NAALADL2: variants seen among roughly 807,000 people sequenced by gnomAD.
NAALADL2 encodes inactive N-acetylated-alpha-linked acidic dipeptidase-like protein 2.
In NAALADL2, 76 loss-of-function variants were observed where a neutral mutation model predicts 87.2. The ratio of observed to expected loss-of-function variants is 0.87; its 90% confidence interval spans 0.72 to 1.05. NAALADL2 has a LOEUF of 1.05. NAALADL2 is among the 50% of genes least tolerant of loss of function. The pLI, the probability that NAALADL2 is intolerant of heterozygous loss-of-function variation, is 0.00. For missense variants in NAALADL2, 1,089 were observed against 945.8 expected (o/e 1.15, Z -1.99); for synonymous variants, 354 against 331.0 (o/e 1.07, Z -0.75).
chr3:174,574,560 A>G (rs1021938768), intron 2 of NAALADL2, among the ~76,000 whole-genome samples: 8 of 152,148 alleles, frequency 5.3e-5, no homozygotes, highest in Non-Finnish European at 8.8e-5. Flanking sequence ...TCTGAATAAC[A>G]ATTTTTAAGT....
intron 2 of NAALADL2, among the ~76,000 whole-genome samples, chr3:175,148,102 T>G (rs971496293): frequency 6.8e-6 from 1 of 146,506 alleles, no homozygotes; most frequent in Non-Finnish European, 1.5e-5. Context: ...ATAATAATAA[T>G]AATAATAATA....
In NAALADL2 at chr3:175,650,057, CAA is replaced by C. The variant is rs11458935; in HGVS notation, c.1896+22687_1896+22688del. Among the ~76,000 whole-genome samples, 873 of 120,372 alleles carry C rather than the reference CAA, an allele frequency of 7.3e-3. 10 individuals carry two copies. The highest frequency in any genetic ancestry group is 0.026 in the African/African-American group (823 of 32,034). The allele number at this position is 120,372 out of a possible 152,430, so 79.0% of individuals were successfully genotyped here. On this transcript the variant is annotated intron_variant, in intron 11 of 13. Transcript: ENST00000454872. ...AGCATTATTCAGAATAACCCCACACCAAAAAAAAAAAAAAAAACCCTCAGATT... is the reference window on the plus strand; with the variant it reads ...AGCATTATTCAGAATAACCCCACACCAAAAAAAAAAAAAAACCCTCAGATT...
rs145052490 is a variant in NAALADL2, at chr3:175,479,752, T to A, written c.1653+7994T>A. The stretch of plus-strand genomic sequence containing the variant: ...TAAGTGTCTTATAACCTGACATGAA[T>A]CTCTCCATAGTTACTACTACTAACT... On this transcript the variant is annotated intron_variant, in intron 9 of 13. Coordinates refer to ENST00000454872, the MANE Select transcript of NAALADL2 (RefSeq NM_207015.3). Among the ~76,000 whole-genome samples, 398 of 151,842 alleles carry A rather than the reference T, an allele frequency of 2.6e-3. 3 individuals are homozygous for A. The highest frequency in any genetic ancestry group is 8.7e-3 in the African/African-American group (362 of 41,520).
intron 9 of NAALADL2, among the ~76,000 whole-genome samples, chr3:175,543,765 G>T (rs1712801829): frequency 6.6e-6 from 1 of 152,158 alleles, no homozygotes; most frequent in African/African-American, 2.4e-5. Flanking sequence ...TGAGATTTGG[G>T]TGGGGAAACA....
chr3:175,169,525 T>G (rs1265618297), intron 2 of NAALADL2, among the ~76,000 whole-genome samples: 1 of 151,596 alleles, frequency 6.6e-6, no homozygotes, highest in Non-Finnish European at 1.5e-5. Flanking sequence ...AGTATTAAAC[T>G]AATTATTTTG....
At chr3:174,698,032 A>T (rs1033396652) in intron 2 of NAALADL2, among the ~76,000 whole-genome samples, 12 of 152,180 alleles carry the variant, frequency 7.9e-5, no homozygotes, top group Non-Finnish European at 1.2e-4. Context: ...CAGAGGTTGC[A>T]GTGAGCCAAG....
At chr3:175,786,809 T>G (rs1011441131) in intron 13 of NAALADL2, among the ~76,000 whole-genome samples, 10 of 152,214 alleles carry the variant, frequency 6.6e-5, no homozygotes, top group African/African-American at 2.2e-4. Flanking sequence ...AGTTTCCAGT[T>G]TTTCTGTTCT....
At chr3:175,687,078 C>T (rs907755953) in intron 11 of NAALADL2, among the ~76,000 whole-genome samples, 7 of 152,090 alleles carry the variant, frequency 4.6e-5, no homozygotes, top group Non-Finnish European at 8.8e-5. Context: ...ATGATTTGCT[C>T]TAAGCCAGAG....
chr3:175,498,671 T>C (rs537575865), intron 9 of NAALADL2, among the ~76,000 whole-genome samples: 2 of 152,204 alleles, frequency 1.3e-5, no homozygotes, highest in East Asian at 3.9e-4. Context: ...AGTTGGACTT[T>C]ATATTTAAAA....
At chr3:174,864,059 G>T in intron 1 of NAALADL2, 1 of 455,664 alleles carries the variant, frequency 2.2e-6, no homozygotes, top group Non-Finnish European at 4.4e-6. Flanking sequence ...AGCAAAGAAA[G>T]TTGCTGAAAA....
chr3:174,775,697 A>G (rs1186201488), intron 3 of NAALADL2, among the ~76,000 whole-genome samples: 1 of 152,132 alleles, frequency 6.6e-6, no homozygotes, highest in Admixed American at 6.6e-5. Flanking sequence ...AAGGTTGTCC[A>G]CTGGAGGAAT....
At chr3:175,488,485 C>A (rs1188395684) in intron 9 of NAALADL2, among the ~76,000 whole-genome samples, 2 of 152,212 alleles carry the variant, frequency 1.3e-5, no homozygotes, top group Non-Finnish European at 2.9e-5. Flanking sequence ...GCACATTCAT[C>A]TATGTGTAAA....
chr3:175,105,939 G>A (rs9290531), intron 2 of NAALADL2, among the ~76,000 whole-genome samples: 87,610 of 151,878 alleles, frequency 0.58, 25,693 homozygotes, highest in African/African-American at 0.69. Context: ...TTCAGGAGGT[G>A]CAAAGTGGAT....
intron 3 of NAALADL2, among the ~76,000 whole-genome samples, chr3:174,751,900 A>G (rs1164841417): frequency 3.3e-5 from 5 of 152,078 alleles, no homozygotes; most frequent in Non-Finnish European, 7.4e-5. Flanking sequence ...TTATTGTACG[A>G]GGAGGGTTTC....
intron 12 of NAALADL2, among the ~76,000 whole-genome samples, chr3:175,742,137 C>T (rs1296329100): frequency 6.6e-6 from 1 of 152,108 alleles, no homozygotes; most frequent in Non-Finnish European, 1.5e-5. Context: ...GCATTTGTCT[C>T]ATGTGAGCAG....
intron 2 of NAALADL2, among the ~76,000 whole-genome samples, chr3:175,106,049 A>G (rs1723099977): frequency 6.6e-6 from 1 of 152,058 alleles, no homozygotes; most frequent in Admixed American, 6.6e-5. Flanking sequence ...CTTACTCTTA[A>G]TGGTCAAGTT....
intron 5 of NAALADL2, among the ~76,000 whole-genome samples, chr3:175,385,081 T>G (rs1768217326): frequency 6.6e-6 from 1 of 152,064 alleles, no homozygotes. Context: ...TAATGACCAT[T>G]TAGTATTCTG....
intron 1 of NAALADL2, among the ~76,000 whole-genome samples, chr3:174,954,533 C>T (rs1002532812): frequency 3.3e-5 from 5 of 152,010 alleles, no homozygotes; most frequent in African/African-American, 1.2e-4. Flanking sequence ...TGGATGCTAA[C>T]ACTTTGGCCA....
chr3:174,925,436 G>A (rs1293124819), intron 1 of NAALADL2, among the ~76,000 whole-genome samples: 3 of 152,164 alleles, frequency 2.0e-5, no homozygotes, highest in Non-Finnish European at 2.9e-5. Flanking sequence ...CTATATCTCT[G>A]TTTTGGTACC....
Sources: allele counts gnomAD v4.1 joint callset (sites outside exome capture counted in the v4.1 genomes callset), GRCh38; gene constraint gnomAD v4.1.1; transcripts MANE v1.5; gene names NCBI Gene and HGNC (gene_info 2026-07-23, HGNC 2026-07-21).